Variants in MAPRE3 observed in about 807,000 individuals in gnomAD.
The protein encoded by MAPRE3 is microtubule associated protein RP/EB family member 3, also known as microtubule-associated protein RP/EB family member 3.
MAPRE3 carries 2 observed loss-of-function variants against 30.5 expected under a neutral mutation model. The observed-to-expected ratio is 0.07, with a 90% confidence interval of 0.03 to 0.21. The LOEUF is 0.21. MAPRE3 is among the 10% of genes least tolerant of loss of function. The probability of loss-of-function intolerance (pLI) is 1.00; values close to 1 mark genes in which losing one functional copy is unlikely to be tolerated. For synonymous variants in MAPRE3, 110 were observed against 127.7 expected, an observed-to-expected ratio of 0.86 and a Z score of 0.93; for missense variants, 204 against 351.8, an observed-to-expected ratio of 0.58 and a Z score of 3.36.
At chr2:26,982,739 T>C (rs1666140295) in intron 1 of MAPRE3, among the ~76,000 whole-genome samples, 1 of 152,238 alleles carries the variant, frequency 6.6e-6, no homozygotes, top group African/African-American at 2.4e-5. Flanking sequence ...ACTAGATAAC[T>C]AGCTTCATGA....
intron 1 of MAPRE3, among the ~76,000 whole-genome samples, chr2:27,020,180 C>A (rs1168400472): frequency 6.6e-6 from 1 of 152,154 alleles, no homozygotes; most frequent in African/African-American, 2.4e-5. Flanking sequence ...TAGCTCCTAA[C>A]TGGGGAATCA....
chr2:26,999,275 G>A (rs1408529579), intron 1 of MAPRE3, among the ~76,000 whole-genome samples: 1 of 152,118 alleles, frequency 6.6e-6, no homozygotes, highest in African/African-American at 2.4e-5. Flanking sequence ...GTCTTGCAAT[G>A]AGTAGCAGGA....
chr2:26,979,082 C>T (rs1247331601), intron 1 of MAPRE3, among the ~76,000 whole-genome samples: 5 of 152,118 alleles, frequency 3.3e-5, no homozygotes, highest in African/African-American at 9.7e-5. Flanking sequence ...GGAAGAGTCA[C>T]CCTGAGCCTG....
intron 1 of MAPRE3, among the ~76,000 whole-genome samples, chr2:26,977,404 G>A (rs1425236341): frequency 6.6e-6 from 1 of 152,102 alleles, no homozygotes; most frequent in Non-Finnish European, 1.5e-5. Context: ...TCTGTTTTGG[G>A]TGGCCTTCTT....
chr2:27,016,445 C>T (rs1364354414), intron 1 of MAPRE3, among the ~76,000 whole-genome samples: 1 of 146,162 alleles, frequency 6.8e-6, no homozygotes, highest in Non-Finnish European at 1.5e-5. Context: ...AGTGCAGTGG[C>T]GCTATCTTGG....
intron 1 of MAPRE3, among the ~76,000 whole-genome samples, chr2:26,981,583 C>T (rs1012875606): frequency 5.3e-5 from 8 of 152,182 alleles, no homozygotes; most frequent in Non-Finnish European, 7.4e-5. Context: ...TAACCACTAA[C>T]ATTTCTTAAA....
intron 6 of MAPRE3, 31 bp from the exon 7 acceptor site, chr2:27,026,249 C>A (rs764101272): frequency 6.3e-7 from 1 of 1,596,006 alleles, no homozygotes; most frequent in Non-Finnish European, 8.6e-7. Context: ...CCTGCCTGGC[C>A]CACCACTTTC....
rs150849559 is a variant in MAPRE3 at position 27,023,811 on chromosome 2, G to A, written c.268-285G>A. 108 of 505,478 alleles carry A rather than the reference G, an allele frequency of 2.1e-4. No individual in the cohort carries two copies. The East Asian group carries it at 2.4e-3, about 11-fold the overall frequency. The allele number at this position is 505,478 out of a possible 1,614,324, so 31.3% of individuals were successfully genotyped here. A position where few individuals can be genotyped will look rare whatever the true frequency, so the allele number is the denominator to read the frequency against. On this transcript the variant is annotated intron_variant, in intron 3 of 6. Transcript: ENST00000233121. ...GTGTCTCTGCTCACTCTACTGCCTC[G>A]GTGGCTGCAGACCCCCAGCCCACAC...
chr2:27,015,968 C>T lies in MAPRE3; in HGVS notation c.-7-6244C>T, dbSNP rs1013481878. Among the ~76,000 whole-genome samples, 1 of 152,168 alleles carries T rather than the reference C, an allele frequency of 6.6e-6. No individual in the cohort carries two copies. The highest frequency in any genetic ancestry group is 1.5e-5 in the Non-Finnish European group (1 of 68,032). ...GCAATGAGAGCTGTAATTGCCTTTC[C>T]CAGTTGCCTGTGAATGCACCATGAA... On this transcript the variant is annotated intron_variant, in intron 1 of 6. Coordinates refer to ENST00000233121, the MANE Select transcript of MAPRE3 (RefSeq NM_012326.4). The surrounding 1 kb of genome is among the most constrained non-coding windows in gnomAD (Gnocchi z 4.0).
chr2:26,985,241 G>A lies in MAPRE3; in HGVS notation c.-8+14439G>A, dbSNP rs1666194717. On this transcript the variant is annotated intron_variant, in intron 1 of 6. Coordinates refer to ENST00000233121, the MANE Select transcript of MAPRE3 (RefSeq NM_012326.4). This position sits in a 1 kb window ranked among gnomAD's most constrained non-coding sequence, Gnocchi z 4.2. ...TGTTGAAACTCTTCTTCCCTTTTGG[G>A]GAAGGATGTTGGCCTTTCCTCAAGT... is the stretch of plus-strand genomic sequence containing the variant. Among the ~76,000 whole-genome samples, 1 of 152,148 alleles carries A rather than the reference G, an allele frequency of 6.6e-6. No homozygotes were observed. Among genetic ancestry groups the A allele is most frequent in the Non-Finnish European group, 1.5e-5 (1 of 68,036 alleles).
chr2:27,019,224 G>T (rs979856852), intron 1 of MAPRE3, among the ~76,000 whole-genome samples: 2 of 151,966 alleles, frequency 1.3e-5, no homozygotes, highest in African/African-American at 4.8e-5. Context: ...AGACCATGTG[G>T]GATGCCATGA....
intron 1 of MAPRE3, among the ~76,000 whole-genome samples, chr2:26,979,158 CT>C (rs1666068610): frequency 6.6e-6 from 1 of 152,152 alleles, no homozygotes; most frequent in Admixed American, 6.5e-5. Context: ...GATGTGGAGA[CT>C]CATCAGAGGA....
chr2:26,987,147 T>C (rs1666240259), intron 1 of MAPRE3, among the ~76,000 whole-genome samples: 1 of 152,134 alleles, frequency 6.6e-6, no homozygotes, highest in Admixed American at 6.5e-5. Context: ...ATTTCCTCCT[T>C]GTATATCAGT....
At chr2:27,025,325 C>A (rs1007251979) in intron 4 of MAPRE3, among the ~76,000 whole-genome samples, 42 of 152,232 alleles carry the variant, frequency 2.8e-4, no homozygotes, top group African/African-American at 1.0e-3. Context: ...TCTCTCCCTG[C>A]CCCAACACCT....
intron 1 of MAPRE3, among the ~76,000 whole-genome samples, chr2:26,992,572 T>C (rs1666370140): frequency 6.6e-6 from 1 of 151,826 alleles, no homozygotes; most frequent in African/African-American, 2.4e-5. Context: ...ACTAAGAGTT[T>C]GGAATGGATA....
At chr2:26,984,712 CTT>C (rs1332597672) in intron 1 of MAPRE3, 1 of 152,262 alleles carries the variant, frequency 6.6e-6, no homozygotes, top group Non-Finnish European at 1.5e-5. Flanking sequence ...GCCACCATTG[CTT>C]TTCACTGTGG....
intron 1 of MAPRE3, among the ~76,000 whole-genome samples, chr2:26,988,713 G>A (rs1336378197): frequency 3.3e-5 from 5 of 152,150 alleles, no homozygotes; most frequent in East Asian, 3.8e-4. Flanking sequence ...GAAAGCCAGC[G>A]AAAAATGCAG....
At chr2:26,971,602 C>A (rs115803390) in intron 1 of MAPRE3, among the ~76,000 whole-genome samples, 1 of 149,756 alleles carries the variant, frequency 6.7e-6, no homozygotes, top group Non-Finnish European at 1.5e-5. Context: ...AAGCATCTTG[C>A]GGAACTCTTT....
At chr2:26,997,361 ATTTT>A (rs896931444) in intron 1 of MAPRE3, among the ~76,000 whole-genome samples, 2 of 147,336 alleles carry the variant, frequency 1.4e-5, no homozygotes, top group Non-Finnish European at 3.0e-5. Context: ...TTTTTTTGTG[ATTTT>A]TTTTTTTAGC....
Sources: gnomAD v4.1 joint callset for allele counts (sites outside exome capture counted in the v4.1 genomes callset) on GRCh38, gnomAD v4.1.1 for gene constraint, Gnocchi (gnomAD v3.1) non-coding constraint, MANE v1.5 for transcripts, NCBI Gene and HGNC (gene_info 2026-07-23, HGNC 2026-07-21) for gene names.